Variants in INIP observed in about 807,000 individuals in gnomAD.
The protein encoded by INIP is INTS3 and NABP interacting protein, also known as SOSS complex subunit C.
A neutral mutation model predicts 14.0 loss-of-function variants in INIP; 9 were observed. The observed-to-expected ratio is 0.64, with a 90% CI of 0.39 to 1.12. The LOEUF (loss-of-function observed/expected upper bound fraction) is 1.12, where lower values mean the gene tolerates loss of function less well. Ranked by LOEUF, INIP falls within the 50% of genes most tolerant of loss-of-function variation. The pLI, the probability that INIP is intolerant of heterozygous loss-of-function variation, is 0.01. For synonymous variants in INIP, 37 were observed against 41.5 expected (o/e 0.89, Z 0.41); for missense variants, 78 against 122.7 (o/e 0.64, Z 1.72).
intron 2 of INIP, among the ~76,000 whole-genome samples, chr9:112,702,255 TCAGTAATTATA>T (rs1243556220): frequency 6.6e-6 from 1 of 152,126 alleles, no homozygotes; most frequent in Non-Finnish European, 1.5e-5. Context: ...GGGGTCACTG[TCAGTAATTATA>T]CATATATAAA....
intron 2 of INIP, among the ~76,000 whole-genome samples, chr9:112,702,499 G>A (rs1241259234): frequency 6.6e-6 from 1 of 152,170 alleles, no homozygotes; most frequent in Non-Finnish European, 1.5e-5. Context: ...ATGAGAGTGA[G>A]GGTGGCATGG....
intron 1 of INIP, among the ~76,000 whole-genome samples, chr9:112,717,052 TAATTA>T (rs1208418063): frequency 6.6e-6 from 1 of 152,230 alleles, no homozygotes; most frequent in Non-Finnish European, 1.5e-5. Context: ...CTCAAGCATT[TAATTA>T]AATACGGCAT....
chr9:112,694,310 C>A, intron 2 of INIP, 77 bp from the exon 3 acceptor site: 1 of 828,036 alleles, frequency 1.2e-6, no homozygotes, highest in Non-Finnish European at 2.0e-6. Flanking sequence ...TTTTTATAAC[C>A]TAAGTCATCT....
chr9:112,714,305 T>G (rs1469376812), intron 2 of INIP, among the ~76,000 whole-genome samples: 4 of 152,120 alleles, frequency 2.6e-5, no homozygotes, highest in Admixed American at 2.0e-4. Flanking sequence ...TTTAAAAATA[T>G]GAAGATGGGT....
rs533550144 is a variant in INIP, at chr9:112,699,163, A to T, written c.26-4930T>A. ...CAAGACCCTATCTCTTAAAAAAAAA[A>T]TTTTTTTTTTCCAGTTAGGTGTGGT... On this transcript the variant is annotated intron_variant, in intron 2 of 4. Transcript: ENST00000374242. Among the ~76,000 whole-genome samples the T allele has an allele frequency of 1.0e-3, 149 of 149,672 alleles. 1 individual carries two copies. Among genetic ancestry groups the T allele is most frequent in the African/African-American group, 2.7e-3 (108 of 40,484 alleles).
At chr9:112,699,289 C>T (rs776450834) in intron 2 of INIP, among the ~76,000 whole-genome samples, 23 of 151,722 alleles carry the variant, frequency 1.5e-4, no homozygotes, top group East Asian at 5.8e-4. Context: ...CTGGCCTGTG[C>T]GGCAGAGCAA....
chr9:112,699,256 G>A (rs911992608), intron 2 of INIP, among the ~76,000 whole-genome samples: 11 of 151,852 alleles, frequency 7.2e-5, no homozygotes, highest in African/African-American at 2.7e-4. Context: ...TCAGTGGAAT[G>A]AGCTATGATG....
intron 2 of INIP, among the ~76,000 whole-genome samples, chr9:112,713,788 C>T (rs1185209920): frequency 2.0e-5 from 3 of 152,056 alleles, no homozygotes; most frequent in Non-Finnish European, 4.4e-5. Context: ...GTCAGGAGTT[C>T]GAGACCAGAC....
rs764243504 is a variant in INIP, at chr9:112,715,141, C to T, written c.25+1320G>A. On this transcript the variant is annotated intron_variant, in intron 2 of 4. Coordinates refer to ENST00000374242, the MANE Select transcript of INIP (RefSeq NM_021218.3). ...ACACATACATACATACATACACACA[C>T]ACACACACACACACACACACACACA... Among the ~76,000 whole-genome samples the T allele has an allele frequency of 6.3e-3, 497 of 78,636 alleles. 3 individuals carry two copies. Among genetic ancestry groups the T allele is most frequent in the African/African-American group, 0.017 (447 of 26,962 alleles). 51.6% of individuals were successfully genotyped at this position (78,636 alleles called of 152,430 possible).
chr9:112,689,174 G>C (rs376502920), intron 4 of INIP, among the ~76,000 whole-genome samples: 27 of 151,832 alleles, frequency 1.8e-4, no homozygotes, highest in African/African-American at 6.3e-4. Context: ...AACTATCAAA[G>C]GATGTAATGA....
intron 3 of INIP, among the ~76,000 whole-genome samples, chr9:112,693,209 G>GA (rs1219269722): frequency 1.3e-5 from 2 of 152,096 alleles, no homozygotes; most frequent in Non-Finnish European, 2.9e-5. Context: ...TTTTTGAGCT[G>GA]AAAGCAATTA....
rs77367982 is a variant in INIP, at chr9:112,701,504, G to A, written c.26-7271C>T. Among the ~76,000 whole-genome samples, 568 of 152,230 alleles carry A rather than the reference G, an allele frequency of 3.7e-3. 2 individuals carry two copies. The highest frequency in any genetic ancestry group is 0.012 in the African/African-American group (496 of 41,540). The stretch of plus-strand genomic sequence containing the variant: ...CGTTTCCCTAAAAGTTACATAATAC[G>A]AATTAAGGTAAGATAATTATGGGAA... On this transcript the variant is annotated intron_variant, in intron 2 of 4. Coordinates refer to ENST00000374242, the MANE Select transcript of INIP (RefSeq NM_021218.3).
chr9:112,693,406 C>T (rs1258002401), intron 3 of INIP, among the ~76,000 whole-genome samples: 1 of 152,196 alleles, frequency 6.6e-6, no homozygotes, highest in Non-Finnish European at 1.5e-5. Context: ...ACAAGCCTTA[C>T]TCCATTCGTT....
At chr9:112,694,608 A>C (rs548694933) in intron 2 of INIP, among the ~76,000 whole-genome samples, 1 of 152,336 alleles carries the variant, frequency 6.6e-6, no homozygotes, top group Non-Finnish European at 1.5e-5. Flanking sequence ...TGCAGTCTCT[A>C]TCCTGCCGAG....
At chr9:112,695,817 A>G (rs199616026) in intron 2 of INIP, among the ~76,000 whole-genome samples, 7 of 89,084 alleles carry the variant, frequency 7.9e-5, no homozygotes, top group South Asian at 7.8e-4. Flanking sequence ...GGAGAAGAAG[A>G]AGGAGAAGAA....
At chr9:112,695,505 TAGA>T (rs1454581359) in intron 2 of INIP, among the ~76,000 whole-genome samples, 4 of 151,992 alleles carry the variant, frequency 2.6e-5, no homozygotes, top group Admixed American at 2.6e-4. Flanking sequence ...GTGTAGGCTG[TAGA>T]AGGAGTATTC....
chr9:112,685,012 A>G lies in INIP; in HGVS notation c.*2526T>C, dbSNP rs533822005. 1 of 152,378 alleles carries G rather than the reference A, an allele frequency of 6.6e-6. No homozygotes were observed. Among genetic ancestry groups the G allele is most frequent in the East Asian group, 1.9e-4 (1 of 5,172 alleles). The allele number at this position is 152,378 out of a possible 1,614,324, so 9.4% of individuals were successfully genotyped here. On this transcript the variant is annotated 3_prime_UTR_variant, in exon 5 of 5. Coordinates refer to ENST00000374242, the MANE Select transcript of INIP (RefSeq NM_021218.3). ...TTCCTTCCCTTGTCAGGTAAAAATCACATGAATACTTCTAAGCCTAGCCAG... is the reference window on the plus strand; with the variant it reads ...TTCCTTCCCTTGTCAGGTAAAAATCGCATGAATACTTCTAAGCCTAGCCAG...
At position 112,689,060 on chromosome 9, in the gene INIP, C is replaced by A. The variant is rs905295639; in HGVS notation, c.219+467G>T. On this transcript the variant is annotated intron_variant, in intron 4 of 4. Coordinates refer to ENST00000374242, the MANE Select transcript of INIP (RefSeq NM_021218.3). The stretch of plus-strand genomic sequence containing the variant: ...ATTTTTTTTAACTGACGAAGCACCA[C>A]ATTTCTAGTCCTATAGTAAGAGTTA... Among the ~76,000 whole-genome samples the A allele has an allele frequency of 2.0e-5, 3 of 151,900 alleles. No individual in the cohort carries two copies. In the South Asian group the frequency reaches 6.2e-4, roughly 31 times the overall value.
intron 2 of INIP, among the ~76,000 whole-genome samples, chr9:112,696,581 G>C (rs1232808005): frequency 6.6e-6 from 1 of 152,086 alleles, no homozygotes; most frequent in African/African-American, 2.4e-5. Context: ...ATAGTGTGGG[G>C]CCCCACAAGC....
Sources: gnomAD v4.1 joint callset for allele counts (sites outside exome capture counted in the v4.1 genomes callset) on GRCh38, gnomAD v4.1.1 for gene constraint, MANE v1.5 for transcripts, NCBI Gene and HGNC (gene_info 2026-07-23, HGNC 2026-07-21) for gene names.